Variants in TAF15 observed in about 807,000 individuals in gnomAD.
TAF15 encodes the protein TATA-box binding protein associated factor 15.
TAF15 carries 37 observed loss-of-function variants against 102.5 expected under a neutral mutation model. The observed-to-expected ratio is 0.36, with a 90% CI of 0.28 to 0.47. The LOEUF (loss-of-function observed/expected upper bound fraction) is 0.47, where lower values mean the gene tolerates loss of function less well. Among genes scored for constraint, TAF15 ranks in the 20% least tolerant of loss-of-function variants. The pLI, the probability that TAF15 is intolerant of heterozygous loss-of-function variation, is 0.99. For missense variants in TAF15, 652 were observed against 760.7 expected, an observed-to-expected ratio of 0.86 and a Z score of 1.68; for synonymous variants, 273 against 259.2, an observed-to-expected ratio of 1.05 and a Z score of -0.51.
chr17:35,826,398 A>G (rs2143778006), intron 7 of TAF15, among the ~76,000 whole-genome samples: 1 of 152,282 alleles, frequency 6.6e-6, no homozygotes, highest in African/African-American at 2.4e-5. Context: ...AAGGCCAGAT[A>G]GTAAATGTTC....
chr17:35,811,589 T>C (rs964906419), intron 1 of TAF15: 1 of 152,234 alleles, frequency 6.6e-6, no homozygotes, highest in African/African-American at 2.4e-5. Context: ...AAACAACTAA[T>C]GCCATTAATA....
intron 6 of TAF15, among the ~76,000 whole-genome samples, chr17:35,823,438 G>A (rs1332788685): frequency 2.6e-5 from 4 of 152,020 alleles, no homozygotes; most frequent in Admixed American, 6.6e-5. Flanking sequence ...AGTGGCTCAC[G>A]CCTGTAATCC....
At chr17:35,813,401 A>G (rs1293969171) in intron 1 of TAF15, among the ~76,000 whole-genome samples, 2 of 152,144 alleles carry the variant, frequency 1.3e-5, no homozygotes, top group Non-Finnish European at 2.9e-5. Context: ...TAAGAGGCTG[A>G]GGTGGGTAGA....
At chr17:35,830,325 G>T (rs1373010550) in intron 7 of TAF15, 2 of 151,980 alleles carry the variant, frequency 1.3e-5, no homozygotes, top group Non-Finnish European at 2.9e-5. Flanking sequence ...TTATGCAGGG[G>T]GTACTCTGCC....
chr17:35,845,909 C>T (rs765445115), intron 15 of TAF15, among the ~76,000 whole-genome samples: 10 of 152,110 alleles, frequency 6.6e-5, no homozygotes, highest in Admixed American at 3.3e-4. Flanking sequence ...ATCAAGAGTT[C>T]CTAATCTAAG....
chr17:35,844,761 G>A lies in TAF15; in HGVS notation c.1462G>A (p.Gly488Arg), dbSNP rs1344322161. ...GYGGDRGGYG[G>R]DRGGGYGGDR... ...TGGAGGAGATCGAGGTGGCTATGGA[G>A]GAGACCGAGGTGGAGGCTATGGTGG... Residue 488 changes from glycine (G) to arginine (R), a missense_variant, in exon 15 of 16, where the codon GGA (glycine) becomes AGA (arginine). Around this residue, in one of 3 missense-constraint regions of TAF15, gnomAD observed 368 missense variants for 367.5 expected, o/e 1.00. Transcript: ENST00000605844. The A allele has an allele frequency of 1.2e-6, 2 of 1,612,378 alleles. No individual in the cohort carries two copies. The highest frequency in any genetic ancestry group is 3.3e-5 in the Admixed American group (2 of 59,824).
intron 5 of TAF15, among the ~76,000 whole-genome samples, chr17:35,821,797 C>G (rs561932766): frequency 6.6e-6 from 1 of 152,114 alleles, no homozygotes; most frequent in Non-Finnish European, 1.5e-5. Context: ...AATTGTGTTA[C>G]AAAGCAGGTT....
chr17:35,847,203 A>G lies in TAF15; in HGVS notation c.*258A>G. 4 of 604,834 alleles carry G rather than the reference A, an allele frequency of 6.6e-6. No homozygotes were observed. Among genetic ancestry groups the G allele is most frequent in the South Asian group, 6.1e-5 (3 of 49,440 alleles). 37.5% of individuals were successfully genotyped at this position (604,834 alleles called of 1,614,324 possible). A position where few individuals can be genotyped will look rare whatever the true frequency, so the allele number is the denominator to read the frequency against. The stretch of plus-strand genomic sequence containing the variant: ...TTGCCAAAATGAAAAGTGTTTTGTA[A>G]TACTGCAATAAAGGCTGCTTGTTTT... On this transcript the variant is annotated 3_prime_UTR_variant, in exon 16 of 16. Coordinates refer to ENST00000605844, the MANE Select transcript of TAF15 (RefSeq NM_139215.3).
intron 12 of TAF15, 88 bp from the exon 13 acceptor site, chr17:35,843,989 G>A: frequency 1.8e-6 from 2 of 1,121,074 alleles, no homozygotes; most frequent in South Asian, 1.2e-5. Flanking sequence ...AAGTATTGAT[G>A]GGTATCTACT....
intron 7 of TAF15, among the ~76,000 whole-genome samples, chr17:35,825,336 C>A (rs578044177): frequency 1.3e-5 from 2 of 152,286 alleles, no homozygotes; most frequent in South Asian, 4.1e-4. Context: ...CAAATAAATT[C>A]TATGCTTCTT....
At chr17:35,818,882 T>G (rs1241869868) in intron 2 of TAF15, among the ~76,000 whole-genome samples, 1 of 152,158 alleles carries the variant, frequency 6.6e-6, no homozygotes, top group Non-Finnish European at 1.5e-5. Flanking sequence ...TATTATGGTG[T>G]ATAATATGCT....
intron 11 of TAF15, among the ~76,000 whole-genome samples, chr17:35,841,602 C>G (rs1434422024): frequency 6.6e-6 from 1 of 152,010 alleles, no homozygotes; most frequent in Non-Finnish European, 1.5e-5. Context: ...CAGGGTTTCC[C>G]CATGTTGCCC....
At chr17:35,824,860 T>C (rs1255628306) in intron 7 of TAF15, among the ~76,000 whole-genome samples, 2 of 152,154 alleles carry the variant, frequency 1.3e-5, no homozygotes, top group Non-Finnish European at 2.9e-5. Context: ...TTACAGCATA[T>C]GTTATGAAGC....
At chr17:35,841,384 T>C (rs907265748) in intron 11 of TAF15, among the ~76,000 whole-genome samples, 2 of 152,194 alleles carry the variant, frequency 1.3e-5, no homozygotes, top group African/African-American at 2.4e-5. Flanking sequence ...ACTTCACATA[T>C]TCTACAGCTG....
chr17:35,843,720 G>T (rs2087575124), intron 12 of TAF15, among the ~76,000 whole-genome samples: 1 of 152,316 alleles, frequency 6.6e-6, no homozygotes. Flanking sequence ...GATTTGGGCT[G>T]CTCAACTCGC....
In TAF15 at chr17:35,824,060, A is replaced by T. The variant is rs1568255355; in HGVS notation, c.485-18A>T. ...AAATGAGAGTGGTTATTTGTGTGTA[A>T]TATTTTCTTTTTTGTAGATGACCGT... On this transcript the variant is annotated intron_variant, in intron 6 of 15. Coordinates refer to ENST00000605844, the MANE Select transcript of TAF15 (RefSeq NM_139215.3). 1 of 1,613,960 alleles carries T rather than the reference A, an allele frequency of 6.2e-7. No homozygotes were observed. Among genetic ancestry groups the T allele is most frequent in the Non-Finnish European group, 8.5e-7 (1 of 1,180,016 alleles).
At chr17:35,822,187 C>A (rs2087268450) in intron 5 of TAF15, among the ~76,000 whole-genome samples, 1 of 151,808 alleles carries the variant, frequency 6.6e-6, no homozygotes, top group Non-Finnish European at 1.5e-5. Context: ...ACTAAAAATA[C>A]AAAATTAGCC....
In TAF15 at chr17:35,820,006, T is replaced by G; in HGVS notation, c.48-18T>G. The G allele has an allele frequency of 6.2e-7, 1 of 1,612,496 alleles. No homozygotes were observed. Among genetic ancestry groups the G allele is most frequent in the Non-Finnish European group, 8.5e-7 (1 of 1,178,742 alleles). On this transcript the variant is annotated intron_variant, in intron 2 of 15. Coordinates refer to ENST00000605844, the MANE Select transcript of TAF15 (RefSeq NM_139215.3). Reference sequence around the variant, plus strand: ...ATTTCTACACATTTCTTTCAAGTATTAAATTTTTCTTTTGCAGTTATTCTA... The same window carrying G: ...ATTTCTACACATTTCTTTCAAGTATGAAATTTTTCTTTTGCAGTTATTCTA...
chr17:35,837,859 T>C (rs138011746), intron 10 of TAF15, among the ~76,000 whole-genome samples: 74 of 152,176 alleles, frequency 4.9e-4, no homozygotes, highest in Admixed American at 2.0e-3. Context: ...TGAAGCATTA[T>C]CTACATTTAA....
Sources: allele counts gnomAD v4.1 joint callset (sites outside exome capture counted in the v4.1 genomes callset), GRCh38; gene constraint gnomAD v4.1.1; regional missense constraint gnomAD v4.1.1; transcripts MANE v1.5; gene names NCBI Gene and HGNC (gene_info 2026-07-23, HGNC 2026-07-21).